Variants in MACROD2 observed in about 807,000 individuals in gnomAD.
The protein encoded by MACROD2 is ADP-ribose glycohydrolase MACROD2.
In MACROD2, 36 loss-of-function variants were observed where a neutral mutation model predicts 70.4. That is an observed-to-expected ratio of 0.51 (90% CI 0.39 to 0.68). The LOEUF (loss-of-function observed/expected upper bound fraction) is 0.68. Among genes scored for constraint, MACROD2 ranks in the 30% least tolerant of loss-of-function variants. MACROD2 has a pLI of 0.00. For missense variants in MACROD2, 496 were observed against 538.4 expected, an observed-to-expected ratio of 0.92 and a Z score of 0.78; for synonymous variants, 172 against 178.8, an observed-to-expected ratio of 0.96 and a Z score of 0.30.
chr20:14,447,799 C>G (rs1286729498), intron 3 of MACROD2, among the ~76,000 whole-genome samples: 9 of 151,846 alleles, frequency 5.9e-5, no homozygotes, highest in African/African-American at 1.5e-4. Flanking sequence ...ATTTTGACTC[C>G]TGCTTGAGAG....
intron 6 of MACROD2, among the ~76,000 whole-genome samples, chr20:15,295,626 CACAT>C (rs375401468): frequency 6.9e-6 from 1 of 145,274 alleles, no homozygotes. Flanking sequence ...CACACACACA[CACAT>C]GCACACACCC....
At chr20:15,545,595 C>T (rs1384003290) in intron 8 of MACROD2, among the ~76,000 whole-genome samples, 1 of 152,056 alleles carries the variant, frequency 6.6e-6, no homozygotes, top group Non-Finnish European at 1.5e-5. Context: ...TCTCTTTGGC[C>T]ATATGTAGTA....
At chr20:15,234,437 G>A (rs1246063518) in intron 6 of MACROD2, among the ~76,000 whole-genome samples, 3 of 151,754 alleles carry the variant, frequency 2.0e-5, no homozygotes, top group Admixed American at 2.0e-4. Flanking sequence ...AAATTGGAGT[G>A]GGAATAAAAG....
At chr20:15,490,821 A>G (rs1463168757) in intron 7 of MACROD2, among the ~76,000 whole-genome samples, 1 of 152,160 alleles carries the variant, frequency 6.6e-6, no homozygotes, top group African/African-American at 2.4e-5. Flanking sequence ...ACTTGAGCTA[A>G]TGGGAGTGAT....
At chr20:16,033,451 A>G (rs904682233) in intron 15 of MACROD2, among the ~76,000 whole-genome samples, 1 of 152,134 alleles carries the variant, frequency 6.6e-6, no homozygotes. Flanking sequence ...AGAATAATGA[A>G]TGAATGATAC....
At chr20:14,444,024 A>G (rs2084156047) in intron 3 of MACROD2, among the ~76,000 whole-genome samples, 1 of 152,186 alleles carries the variant, frequency 6.6e-6, no homozygotes, top group Non-Finnish European at 1.5e-5. Flanking sequence ...TAATTTAGTT[A>G]AAACCAAATC....
chr20:14,827,009 A>G (rs73897214), intron 5 of MACROD2, among the ~76,000 whole-genome samples: 4,700 of 152,176 alleles, frequency 0.031, 119 homozygotes, highest in Middle Eastern at 0.11. Context: ...CTCGGACTTA[A>G]CAAAAATCAA....
intron 8 of MACROD2, among the ~76,000 whole-genome samples, chr20:15,562,437 C>T (rs762545416): frequency 2.4e-4 from 36 of 152,124 alleles, no homozygotes; most frequent in Non-Finnish European, 2.6e-4. Flanking sequence ...TTCCAGGTCT[C>T]CTAATATTTT....
At chr20:15,285,176 A>G (rs1485177896) in intron 6 of MACROD2, among the ~76,000 whole-genome samples, 1 of 152,134 alleles carries the variant, frequency 6.6e-6, no homozygotes, top group Non-Finnish European at 1.5e-5. Context: ...TAGCTATTTT[A>G]CTATTTTCCT....
chr20:15,406,382 A>G (rs1252139851), intron 6 of MACROD2, among the ~76,000 whole-genome samples: 2 of 152,210 alleles, frequency 1.3e-5, no homozygotes, highest in East Asian at 3.9e-4. Flanking sequence ...TCCTGGCCCA[A>G]AGCTAAGCAT....
chr20:15,537,174 G>A (rs1471016293), intron 8 of MACROD2, among the ~76,000 whole-genome samples: 1 of 152,140 alleles, frequency 6.6e-6, no homozygotes, highest in Non-Finnish European at 1.5e-5. Context: ...CACGAGATCT[G>A]ATGGTTTTAT....
intron 5 of MACROD2, among the ~76,000 whole-genome samples, chr20:14,707,440 T>C (rs952240005): frequency 6.6e-6 from 1 of 152,134 alleles, no homozygotes; most frequent in Non-Finnish European, 1.5e-5. Context: ...GAGGTCTGTG[T>C]TTCCATAAGC....
At chr20:16,047,091 A>T (rs2067393519) in intron 17 of MACROD2, among the ~76,000 whole-genome samples, 1 of 152,198 alleles carries the variant, frequency 6.6e-6, no homozygotes, top group Non-Finnish European at 1.5e-5. Flanking sequence ...TCTGCTCCCT[A>T]AGCAATAGCA....
intron 5 of MACROD2, among the ~76,000 whole-genome samples, chr20:15,082,095 G>T (rs1264639370): frequency 2.6e-5 from 4 of 152,134 alleles, no homozygotes; most frequent in Non-Finnish European, 5.9e-5. Flanking sequence ...TCTGCATGTT[G>T]TACCTCATTC....
chr20:15,564,470 A>G (rs1229789396), intron 8 of MACROD2, among the ~76,000 whole-genome samples: 3 of 152,018 alleles, frequency 2.0e-5, no homozygotes, highest in Non-Finnish European at 4.4e-5. Flanking sequence ...GCTACTACCC[A>G]CTTTGGATCT....
intron 3 of MACROD2, among the ~76,000 whole-genome samples, chr20:14,160,623 A>G (rs2148717140): frequency 6.6e-6 from 1 of 152,094 alleles, no homozygotes; most frequent in South Asian, 2.1e-4. Flanking sequence ...TTTCTGTGTT[A>G]GTATAGCAAG....
chr20:15,997,000 T>C (rs78039693), intron 15 of MACROD2, among the ~76,000 whole-genome samples: 4,701 of 152,284 alleles, frequency 0.031, 223 homozygotes, highest in East Asian at 0.22. Context: ...TTGTCAAGTA[T>C]TAATTGACTT....
At chr20:14,395,984 G>T (rs190430909) in intron 3 of MACROD2, among the ~76,000 whole-genome samples, 117 of 152,228 alleles carry the variant, frequency 7.7e-4, no homozygotes, top group Non-Finnish European at 1.1e-3. Context: ...ACAACTCCTG[G>T]ACTCAAGTGA....
chr20:14,333,719 T>A (rs559330716), intron 3 of MACROD2, among the ~76,000 whole-genome samples: 1 of 152,284 alleles, frequency 6.6e-6, no homozygotes, highest in South Asian at 2.1e-4. Context: ...TTTATTTTAG[T>A]CTACTGTGTG....
Sources: allele counts gnomAD v4.1 joint callset (sites outside exome capture counted in the v4.1 genomes callset), GRCh38; gene constraint gnomAD v4.1.1; transcripts MANE v1.5; gene names NCBI Gene and HGNC (gene_info 2026-07-23, HGNC 2026-07-21).